TRPM5: variants seen among roughly 807,000 people sequenced by gnomAD.
TRPM5 encodes transient receptor potential cation channel subfamily M member 5.
Under a neutral mutation model 124.9 loss-of-function variants are expected in TRPM5, and 121 were observed. The observed-to-expected ratio is 0.97, with a 90% CI of 0.84 to 1.13. The LOEUF (loss-of-function observed/expected upper bound fraction) is 1.13, where lower values mean the gene tolerates loss of function less well. Among genes scored for constraint, TRPM5 ranks in the 50% most tolerant of loss-of-function variants. TRPM5 has a pLI of 0.00. For synonymous variants in TRPM5, 781 were observed against 700.5 expected (o/e 1.11, Z -1.81); for missense variants, 1,643 against 1,589.1 (o/e 1.03, Z -0.58).
chr11:2,443,444 T>C, the TRPM5 span, among the ~76,000 whole-genome samples: 1 of 152,160 alleles, frequency 6.6e-6, no homozygotes, highest in African/African-American at 2.4e-5. This position sits in a 1 kb window ranked among gnomAD's most constrained non-coding sequence, Gnocchi z 5.0. Context: ...GCACCTTCAC[T>C]GATATGCTTC....
upstream of TRPM5, among the ~76,000 whole-genome samples, chr11:2,427,544 C>T (rs1020965591): frequency 6.6e-6 from 1 of 152,234 alleles, no homozygotes; most frequent in Non-Finnish European, 1.5e-5. Flanking sequence ...ACGGCCGAGC[C>T]CACAGGCCTG....
the TRPM5 span, among the ~76,000 whole-genome samples, chr11:2,432,119 G>A: frequency 5.9e-5 from 9 of 152,302 alleles, no homozygotes; most frequent in East Asian, 1.2e-3. Flanking sequence ...ACACTGGGCC[G>A]GGGCTCCACT....
rs749760054 is a variant in TRPM5, at chr11:2,415,243, C to T, written c.1357G>A (p.Glu453Lys). ...AAGGCCGGTGGCCCCGCGGGTGGCT[C>T]CCGGGCCTGCTGGGTGCCCAGGCCG... Residue 453 changes from glutamate to lysine, a missense_variant, in exon 9 of 24, where the codon GAG (glutamate) becomes AAG (lysine). Physicochemically the swap from Glu to Lys is moderately conservative, Grantham distance 56 (BLOSUM62 1). Transcript: ENST00000155858. 165 of 1,570,950 alleles carry T rather than the reference C, an allele frequency of 1.1e-4. 3 individuals are homozygous for T. In the South Asian group the frequency reaches 1.8e-3, roughly 18 times the overall value.
At chr11:2,414,015 C>CCCCCCCCCCCCCCCCCCCCCCCCCACA in intron 12 of TRPM5, 46 bp downstream of exon 17, 1 of 752,952 alleles carries the variant, frequency 1.3e-6, no homozygotes, top group Non-Finnish European at 2.1e-6. Context: ...GCTCGCCCGC[C>CCCCCCCCCCCCCCCCCCCCCCCCCACA]CACCCCACCC....
At chr11:2,438,237 C>A in the TRPM5 span, among the ~76,000 whole-genome samples, 1 of 152,024 alleles carries the variant, frequency 6.6e-6, no homozygotes, top group African/African-American at 2.4e-5. The surrounding 1 kb of genome is among the most constrained non-coding windows in gnomAD (Gnocchi z 5.9). Flanking sequence ...TCATATTGAA[C>A]GGGCAAAAGC....
In TRPM5 at chr11:2,414,214, C is replaced by T. The variant is rs777245635; in HGVS notation, c.1745-8G>A. On this transcript the variant is annotated splice_region_variant and splice_polypyrimidine_tract_variant and intron_variant, in intron 11 of 23. Transcript: ENST00000155858. ...AGCACTCGGAGAAGAGGTCTGCCCC[C>T]GGAGGCCCTGGCCGCTAGGACGAGA... The T allele has an allele frequency of 3.2e-5, 51 of 1,605,654 alleles. No homozygotes were observed. Among genetic ancestry groups the T allele is most frequent in the South Asian group, 2.1e-4 (19 of 90,208 alleles).
chr11:2,410,743 G>A, intron 18 of TRPM5: 1 of 452,402 alleles, frequency 2.2e-6, no homozygotes, highest in South Asian at 1.6e-5. Context: ...TCGGCCTGGG[G>A]ACACCCATAG....
the TRPM5 span, among the ~76,000 whole-genome samples, chr11:2,444,514 T>G: frequency 2.6e-5 from 3 of 117,384 alleles, no homozygotes; most frequent in Non-Finnish European, 5.3e-5. Context: ...AGCAGGTGGG[T>G]GAGGGCAGGG....
chr11:2,422,019 C>T, intron 2 of TRPM5, 122 bp downstream of exon 7: 2 of 757,516 alleles, frequency 2.6e-6, no homozygotes, highest in African/African-American at 2.3e-5. Flanking sequence ...GGTGGGGGGA[C>T]AGTCAGGGGG....
intron 4 of TRPM5, among the ~76,000 whole-genome samples, chr11:2,419,200 A>T (rs1845731091): frequency 1.3e-5 from 2 of 152,168 alleles, no homozygotes; most frequent in African/African-American, 4.8e-5. Flanking sequence ...AATCTGGAGG[A>T]TAAATCAGGC....
the TRPM5 span, among the ~76,000 whole-genome samples, chr11:2,439,164 T>C: frequency 6.6e-6 from 1 of 152,216 alleles, no homozygotes; most frequent in African/African-American, 2.4e-5. Context: ...TTTCACCATA[T>C]GCACAAGTGA....
chr11:2,406,106 G>A lies in TRPM5; in HGVS notation c.3252-15C>T. On this transcript the variant is annotated splice_polypyrimidine_tract_variant and intron_variant, in intron 21 of 23. Transcript: ENST00000155858. ...TGAAGTCCACTCTGCGGCAGGAGCA[G>A]GTGGTCAGGCTGTGGATGGCCACGC... 1 of 1,610,552 alleles carries A rather than the reference G, an allele frequency of 6.2e-7. No homozygotes were observed. The highest frequency in any genetic ancestry group is 8.5e-7 in the Non-Finnish European group (1 of 1,179,928).
At chr11:2,419,622 CA>C (rs3986606) in intron 4 of TRPM5, among the ~76,000 whole-genome samples, 23,315 of 125,980 alleles carry the variant, frequency 0.19, 2,039 homozygotes, top group African/African-American at 0.32. Context: ...GATTCTGCCT[CA>C]AAAAAAAAAA....
intron 19 of TRPM5, 102 bp downstream of exon 24, chr11:2,407,657 T>A: frequency 6.8e-7 from 1 of 1,465,726 alleles, no homozygotes; most frequent in Admixed American, 1.8e-5. Context: ...AGCCTCACCC[T>A]CTGCAGCACA....
chr11:2,421,362 G>C (rs1314976197), intron 2 of TRPM5, among the ~76,000 whole-genome samples, 164 bp from the exon 8 acceptor site: 1 of 152,234 alleles, frequency 6.6e-6, no homozygotes, highest in African/African-American at 2.4e-5. Flanking sequence ...GGCCCAGAGA[G>C]GGCAAGGCAC....
chr11:2,427,207 C>T (rs1845847101), upstream of TRPM5, among the ~76,000 whole-genome samples: 1 of 152,226 alleles, frequency 6.6e-6, no homozygotes, highest in Non-Finnish European at 1.5e-5. Flanking sequence ...GCCAAAGCCG[C>T]ACTGTCCTGG....
At chr11:2,415,142 C>A in exon 9 of TRPM5, 1 of 1,570,562 alleles carries the variant, frequency 6.4e-7, no homozygotes, top group South Asian at 1.1e-5. Context: ...GGTCCCCTGG[C>A]CGGCCGTCCT....
At chr11:2,414,960 G>C in exon 10 of TRPM5, 2 of 1,607,880 alleles carry the variant, frequency 1.2e-6, no homozygotes, top group Non-Finnish European at 1.7e-6. Flanking sequence ...ACGGCCCACA[G>C]GAACAGGTCC....
chr11:2,413,014 T>A lies in TRPM5; in HGVS notation c.2097-2A>T. The A allele has an allele frequency of 6.2e-7, 1 of 1,601,096 alleles. No homozygotes were observed. The highest frequency in any genetic ancestry group is 1.1e-5 in the South Asian group (1 of 88,934). On this transcript the variant is annotated splice_acceptor_variant, in intron 14 of 23. Coordinates refer to ENST00000155858, the Ensembl canonical transcript of TRPM5. LOFTEE classifies it high-confidence loss of function. The stretch of plus-strand genomic sequence containing the variant: ...GGCGCCTCCACCAGCTCCTCCACCC[T>A]GTGCCGCAGAGAAGTTCGCAGTGGT...
Sources: allele counts gnomAD v4.1 joint callset (sites outside exome capture counted in the v4.1 genomes callset), GRCh38; gene constraint gnomAD v4.1.1; non-coding constraint Gnocchi (gnomAD v3.1); transcripts MANE v1.5; gene names NCBI Gene and HGNC (gene_info 2026-07-23, HGNC 2026-07-21).